The following KCNMA1 variants were observed in gnomAD, a reference collection of about 807,000 sequenced individuals.
The protein encoded by KCNMA1 is Calcium-activated potassium channel subunit alpha-1.
Under a neutral mutation model 140.0 loss-of-function variants are expected in KCNMA1, and 29 were observed. That is an observed-to-expected ratio of 0.21 (90% CI 0.15 to 0.28). The LOEUF is 0.28. Ranked by LOEUF, KCNMA1 falls within the 10% of genes least tolerant of loss-of-function variation. KCNMA1 has a pLI of 1.00. For missense variants in KCNMA1, 880 were observed against 1,602.2 expected (o/e 0.55, Z 7.70); for synonymous variants, 612 against 611.9 (o/e 1.00, Z 0.00).
Position 76,886,243 on chromosome 10 carries a change from A to T in KCNMA1, c.*1023T>A. ...CATTGGGGCCCTAACTAATCAAACAAAGGGGAGTAAAAAGATCCCCTGAGA... is the reference window on the plus strand; with the variant it reads ...CATTGGGGCCCTAACTAATCAAACATAGGGGAGTAAAAAGATCCCCTGAGA... On this transcript the variant is annotated 3_prime_UTR_variant, in exon 28 of 28. Transcript: ENST00000286628. 1 of 985,182 alleles carries T rather than the reference A, an allele frequency of 1.0e-6. No homozygotes were observed. Among genetic ancestry groups the T allele is most frequent in the Non-Finnish European group, 1.2e-6 (1 of 829,722 alleles). 61.0% of individuals were successfully genotyped at this position (985,182 alleles called of 1,614,324 possible).
chr10:77,217,581 T>C (rs1471504776), intron 3 of KCNMA1: 2 of 456,156 alleles, frequency 4.4e-6, no homozygotes, highest in Admixed American at 2.3e-5. Context: ...AACATGGAGA[T>C]ACTTACAGAT....
At chr10:77,633,387 A>T (rs1186140013) in intron 1 of KCNMA1, among the ~76,000 whole-genome samples, 1 of 152,136 alleles carries the variant, frequency 6.6e-6, no homozygotes, top group Non-Finnish European at 1.5e-5. Flanking sequence ...GGACAAGGGC[A>T]GGTCAGCTGG....
chr10:77,577,856 A>C (rs1401090810), intron 1 of KCNMA1, among the ~76,000 whole-genome samples: 4 of 152,224 alleles, frequency 2.6e-5, no homozygotes, highest in Non-Finnish European at 4.4e-5. Context: ...TAAAGAGCAC[A>C]GTTCAAGGTG....
intron 23 of KCNMA1, among the ~76,000 whole-genome samples, chr10:76,919,029 C>CTA (rs2152487365): frequency 6.6e-6 from 1 of 151,606 alleles, no homozygotes; most frequent in South Asian, 2.1e-4. Context: ...AGACTGGAGA[C>CTA]TATTATTCTA....
intron 1 of KCNMA1, among the ~76,000 whole-genome samples, chr10:77,491,665 G>C (rs2039894356): frequency 6.6e-6 from 1 of 151,260 alleles, no homozygotes; most frequent in South Asian, 2.1e-4. Context: ...CAGAACAAAA[G>C]GGTGCAAACT....
intron 2 of KCNMA1, among the ~76,000 whole-genome samples, chr10:77,326,991 A>G (rs1327263684): frequency 6.6e-6 from 1 of 152,086 alleles, no homozygotes; most frequent in Non-Finnish European, 1.5e-5. Flanking sequence ...CAAGCACACC[A>G]TGGGGAAATG....
At chr10:77,534,901 C>A (rs573481369) in intron 1 of KCNMA1, among the ~76,000 whole-genome samples, 120 of 152,250 alleles carry the variant, frequency 7.9e-4, no homozygotes, top group African/African-American at 2.8e-3. Context: ...TAACTACAAA[C>A]TAAAACCTAC....
At chr10:76,958,723 G>A (rs1037645448) in intron 20 of KCNMA1, among the ~76,000 whole-genome samples, 1 of 152,144 alleles carries the variant, frequency 6.6e-6, no homozygotes, top group African/African-American at 2.4e-5. Context: ...GCCAAGAAGA[G>A]AGGCCTGAAA....
chr10:76,944,664 G>C (rs1057354962), intron 23 of KCNMA1, 109 bp downstream of exon 23: 12 of 1,034,722 alleles, frequency 1.2e-5, no homozygotes, highest in Non-Finnish European at 1.6e-5. Flanking sequence ...AGGTTTCACT[G>C]CCAGGCAGGC....
intron 2 of KCNMA1, among the ~76,000 whole-genome samples, chr10:77,347,035 T>C (rs565499303): frequency 6.6e-6 from 1 of 152,314 alleles, no homozygotes; most frequent in Non-Finnish European, 1.5e-5. Context: ...AATCTCAATG[T>C]CACAATCTGG....
intron 17 of KCNMA1, among the ~76,000 whole-genome samples, chr10:77,015,235 A>C (rs1379993285): frequency 6.6e-6 from 1 of 152,058 alleles, no homozygotes; most frequent in Non-Finnish European, 1.5e-5. Flanking sequence ...GCAGGAGACT[A>C]GGGTGAGGGG....
chr10:77,500,018 T>C (rs1358710291), intron 1 of KCNMA1, among the ~76,000 whole-genome samples: 1 of 152,034 alleles, frequency 6.6e-6, no homozygotes, highest in African/African-American at 2.4e-5. Context: ...TTTCACTCTA[T>C]ACATTAACCA....
chr10:77,502,311 A>G (rs2044214976), intron 1 of KCNMA1, among the ~76,000 whole-genome samples: 1 of 152,136 alleles, frequency 6.6e-6, no homozygotes, highest in African/African-American at 2.4e-5. Context: ...CTTCATTCAC[A>G]GTTAAATATG....
At chr10:77,617,566 T>C (rs114141655) in intron 1 of KCNMA1, among the ~76,000 whole-genome samples, 338 of 152,216 alleles carry the variant, frequency 2.2e-3, no homozygotes, top group African/African-American at 7.9e-3. Context: ...CAGAGCAGCA[T>C]AGGAAGAGGG....
In KCNMA1 at chr10:77,403,889, G is replaced by A. The variant is rs200815735; in HGVS notation, c.513C>T (p.Ser171=). The change falls in exon 2 of 28, where the codon TCC becomes TCT. Residue 171 remains serine, a synonymous_variant. Transcript: ENST00000286628. ...SVKDWAGVMI[S]AQTLTGRVLV... is the part of the protein sequence containing the mutation. ...GGACTCTGCCAGTCAGTGTCTGGGC[G>A]GATATCATCACCCCCGCCCAGTCCT... 2.5e-5 allele frequency: 41 copies of A among 1,614,018 alleles called. No individual in the cohort carries two copies. The highest frequency in any genetic ancestry group is 3.3e-5 in the Admixed American group (2 of 60,014).
At chr10:77,086,415 A>C (rs2153772917) in intron 11 of KCNMA1, 73 bp downstream of exon 11, 1 of 1,099,736 alleles carries the variant, frequency 9.1e-7, no homozygotes, top group Non-Finnish European at 1.4e-6. Context: ...GTGTCCCCTC[A>C]GCACAGAGTC....
chr10:77,284,062 G>A (rs967488153), intron 2 of KCNMA1, among the ~76,000 whole-genome samples: 1 of 152,158 alleles, frequency 6.6e-6, no homozygotes, highest in African/African-American at 2.4e-5. Flanking sequence ...AAGCCCAGTG[G>A]CAAGAAAGAC....
intron 2 of KCNMA1, among the ~76,000 whole-genome samples, chr10:77,348,504 G>A (rs2092477691): frequency 6.6e-6 from 1 of 152,166 alleles, no homozygotes; most frequent in Non-Finnish European, 1.5e-5. Context: ...CCAGGGAAAG[G>A]AGGTCAGCCT....
At chr10:77,447,690 T>C (rs555541711) in intron 1 of KCNMA1, among the ~76,000 whole-genome samples, 17 of 152,118 alleles carry the variant, frequency 1.1e-4, no homozygotes, top group Admixed American at 4.6e-4. Context: ...ACCTGAGAGG[T>C]TTTGGATCCT....
Sources: allele counts gnomAD v4.1 joint callset (sites outside exome capture counted in the v4.1 genomes callset), GRCh38; gene constraint gnomAD v4.1.1; transcripts MANE v1.5; gene names NCBI Gene and HGNC (gene_info 2026-07-23, HGNC 2026-07-21).